Variants in TXNDC16 observed in about 807,000 individuals in gnomAD.
TXNDC16 encodes the protein thioredoxin domain-containing protein 16.
TXNDC16 carries 74 observed loss-of-function variants against 85.6 expected under a neutral mutation model. The observed-to-expected ratio is 0.86, with a 90% CI of 0.72 to 1.05. The LOEUF is 1.05. Among genes scored for constraint, TXNDC16 ranks in the 50% least tolerant of loss-of-function variants. TXNDC16 has a pLI of 0.00. For missense variants in TXNDC16, 959 were observed against 947.0 expected (o/e 1.01, Z -0.17); for synonymous variants, 335 against 326.5 (o/e 1.03, Z -0.28).
rs1566522704 is a variant in TXNDC16 at position 52,431,045 on chromosome 14, T to C, written c.*1259A>G. ...AAGAAAAATACAGTAGAGCACCAAA[T>C]AGAATATTCTCAACAAATGTCTCAA... On this transcript the variant is annotated 3_prime_UTR_variant, in exon 21 of 21. Transcript: ENST00000281741. The C allele has an allele frequency of 1.3e-5, 2 of 152,100 alleles. No individual in the cohort carries two copies. The highest frequency in any genetic ancestry group is 6.5e-5 in the Admixed American group (1 of 15,274). 9.4% of individuals were successfully genotyped at this position (152,100 alleles called of 1,614,324 possible).
chr14:52,458,883 T>G (rs1279599041), intron 16 of TXNDC16, among the ~76,000 whole-genome samples: 1 of 152,248 alleles, frequency 6.6e-6, no homozygotes, highest in African/African-American at 2.4e-5. Context: ...TCCATGTGTT[T>G]GTAAATCCTA....
intron 16 of TXNDC16, among the ~76,000 whole-genome samples, chr14:52,463,778 C>A (rs183410989): frequency 1.3e-5 from 2 of 152,078 alleles, no homozygotes; most frequent in Non-Finnish European, 2.9e-5. Context: ...AAATTTAACA[C>A]GAGTTAGCTT....
intron 18 of TXNDC16, among the ~76,000 whole-genome samples, chr14:52,454,976 G>C (rs1217942474): frequency 6.6e-6 from 1 of 152,168 alleles, no homozygotes; most frequent in Non-Finnish European, 1.5e-5. Flanking sequence ...AGAAACCGAA[G>C]AACAGAGAAG....
rs992861470 is a variant in TXNDC16, at chr14:52,432,501, T to C, written c.2281A>G (p.Thr761Ala). Residue 761 changes from threonine (T) to alanine (A), a missense_variant, in exon 21 of 21, where the codon ACT becomes GCT. Thr to Ala is a moderately conservative substitution (Grantham distance 58). Coordinates refer to ENST00000281741, the MANE Select transcript of TXNDC16 (RefSeq NM_020784.3). The stretch of plus-strand genomic sequence containing the variant: ...TTCATACACTTGGGAACTTTCCTAG[T>C]GCCACGTTGAGATGTTGCGGCATCT... Reference protein sequence around the residue: ...MIDAATSQRGTRKVPKCMKET... With the variant: ...MIDAATSQRGARKVPKCMKET... The C allele has an allele frequency of 6.2e-6, 10 of 1,613,976 alleles. No homozygotes were observed. The East Asian group carries it at 1.3e-4, about 22-fold the overall frequency.
chr14:52,507,079 G>C (rs1201296113), intron 9 of TXNDC16, among the ~76,000 whole-genome samples: 1 of 152,134 alleles, frequency 6.6e-6, no homozygotes, highest in Admixed American at 6.5e-5. Flanking sequence ...TCAGGAAAGA[G>C]AAGGAAATAA....
chr14:52,439,649 G>T (rs1186139376), intron 19 of TXNDC16, among the ~76,000 whole-genome samples: 1 of 152,106 alleles, frequency 6.6e-6, no homozygotes, highest in Admixed American at 6.6e-5. Context: ...TGAAAAGCAG[G>T]CATAGCCCAA....
intron 16 of TXNDC16, among the ~76,000 whole-genome samples, chr14:52,461,423 A>G (rs1450149459): frequency 6.6e-6 from 1 of 152,144 alleles, no homozygotes; most frequent in African/African-American, 2.4e-5. Context: ...TTGATAATTA[A>G]TTTTAGTATT....
In TXNDC16 at chr14:52,432,183, A is replaced by G; in HGVS notation, c.*121T>C. 1 of 806,694 alleles carries G rather than the reference A, an allele frequency of 1.2e-6. No individual in the cohort carries two copies. The highest frequency in any genetic ancestry group is 1.8e-6 in the Non-Finnish European group (1 of 561,768). 50.0% of individuals were successfully genotyped at this position (806,694 alleles called of 1,614,324 possible). ...AAATTTTAAATAAAATATGTGACTTATATTATAATTCTATTGGATGGCACT... is the reference window on the plus strand; with the variant it reads ...AAATTTTAAATAAAATATGTGACTTGTATTATAATTCTATTGGATGGCACT... On this transcript the variant is annotated 3_prime_UTR_variant, in exon 21 of 21. Coordinates refer to ENST00000281741, the MANE Select transcript of TXNDC16 (RefSeq NM_020784.3).
chr14:52,455,421 G>A lies in TXNDC16; in HGVS notation c.1745C>T (p.Ala582Val). ...CTCTATTTTGCCTTCTGTGTGTCTG[G>A]CAAGCAGCAGGGCTGGAAGACTTGC... The part of the protein sequence containing the change: ...YAASLPALLL[A>V]RHTEGKIESI... The change falls in exon 18 of 21, where the codon GCC becomes GTC. Residue 582 changes from alanine to valine, a missense_variant. Transcript: ENST00000281741. 1 of 1,613,972 alleles carries A rather than the reference G, an allele frequency of 6.2e-7. No homozygotes were observed. Among genetic ancestry groups the A allele is most frequent in the Non-Finnish European group, 8.5e-7 (1 of 1,179,938 alleles).
At chr14:52,522,218 A>C (rs894748741) in intron 6 of TXNDC16, among the ~76,000 whole-genome samples, 4 of 152,244 alleles carry the variant, frequency 2.6e-5, no homozygotes, top group African/African-American at 9.6e-5. Context: ...TTCAAAAATT[A>C]AGTCTGAGTA....
intron 12 of TXNDC16, among the ~76,000 whole-genome samples, chr14:52,483,541 A>G (rs1214629364): frequency 1.3e-5 from 2 of 152,246 alleles, no homozygotes; most frequent in African/African-American, 2.4e-5. Flanking sequence ...AGTTGAGCAC[A>G]TACAAGGCTG....
At chr14:52,539,367 A>C (rs2037777343) in intron 4 of TXNDC16, among the ~76,000 whole-genome samples, 1 of 152,212 alleles carries the variant, frequency 6.6e-6, no homozygotes, top group Non-Finnish European at 1.5e-5. Context: ...CCTGTGGTTA[A>C]CAGCACCTCC....
Position 52,499,509 on chromosome 14 carries a change from C to T in TXNDC16, c.757-8504G>A, listed in dbSNP as rs527353540. Among the ~76,000 whole-genome samples the T allele has an allele frequency of 2.0e-5, 3 of 151,714 alleles. No homozygotes were observed. In the East Asian group the frequency reaches 5.8e-4, roughly 29 times the overall value. On this transcript the variant is annotated intron_variant, in intron 9 of 20. Coordinates refer to ENST00000281741, the MANE Select transcript of TXNDC16 (RefSeq NM_020784.3). ...TTTTCCAAAGAAGATACACAAATGG[C>T]CAAGCATATGAGACGATACTCAACA...
intron 16 of TXNDC16, among the ~76,000 whole-genome samples, chr14:52,463,473 C>A (rs115360627): frequency 0.013 from 2,041 of 152,328 alleles, 56 homozygotes; most frequent in African/African-American, 0.047. Flanking sequence ...TGCGGCTGGG[C>A]AGCCCCCCCA....
intron 6 of TXNDC16, among the ~76,000 whole-genome samples, chr14:52,532,770 G>A (rs958755428): frequency 6.6e-6 from 1 of 151,874 alleles, no homozygotes; most frequent in African/African-American, 2.4e-5. Context: ...GTATGCAACT[G>A]TAAGAGTACA....
At chr14:52,453,967 A>G (rs966994222) in intron 18 of TXNDC16, among the ~76,000 whole-genome samples, 1 of 152,234 alleles carries the variant, frequency 6.6e-6, no homozygotes, top group Non-Finnish European at 1.5e-5. Flanking sequence ...AAGACCTAGT[A>G]TTTGCCAGTA....
intron 16 of TXNDC16, among the ~76,000 whole-genome samples, chr14:52,461,922 A>G (rs1006092789): frequency 6.6e-6 from 1 of 152,268 alleles, no homozygotes; most frequent in African/African-American, 2.4e-5. Context: ...AAAATATTAT[A>G]GAAAATTAGC....
intron 6 of TXNDC16, among the ~76,000 whole-genome samples, chr14:52,530,125 CAT>C (rs1351958144): frequency 2.6e-5 from 2 of 76,670 alleles, no homozygotes; most frequent in African/African-American, 1.1e-4. Context: ...TATATATTTA[CAT>C]ATTACAATTT....
At chr14:52,505,293 T>G (rs1171273022) in intron 9 of TXNDC16, among the ~76,000 whole-genome samples, 1 of 152,140 alleles carries the variant, frequency 6.6e-6, no homozygotes, top group African/African-American at 2.4e-5. Context: ...ACACCACACC[T>G]ATTCCAAAAT....
Sources: gnomAD v4.1 joint callset for allele counts (sites outside exome capture counted in the v4.1 genomes callset) on GRCh38, gnomAD v4.1.1 for gene constraint, MANE v1.5 for transcripts, NCBI Gene and HGNC (gene_info 2026-07-23, HGNC 2026-07-21) for gene names.